SOAT2: variants seen among roughly 807,000 people sequenced by gnomAD.
SOAT2 encodes sterol O-acyltransferase 2.
A neutral mutation model predicts 76.0 loss-of-function variants in SOAT2; 87 were observed. That is an observed-to-expected ratio of 1.14 (90% CI 0.96 to 1.37). The LOEUF is 1.37. SOAT2 is among the 40% of genes most tolerant of loss of function. The probability of loss-of-function intolerance (pLI) is 0.00; values close to 1 mark genes in which losing one functional copy is unlikely to be tolerated. For synonymous variants in SOAT2, 285 were observed against 275.4 expected (o/e 1.03, Z -0.34); for missense variants, 686 against 682.1 (o/e 1.01, Z -0.06).
Position 53,105,192 on chromosome 12 carries a change from A to T in SOAT2, c.224A>T (p.Tyr75Phe). Reference protein sequence around the residue: ...DRAMREAIQSYPSQDKPLPPP... With the variant: ...DRAMREAIQSFPSQDKPLPPP... The stretch of plus-strand genomic sequence containing the variant: ...GCCATGCGGGAGGCTATACAATCCT[A>T]CCCATCACAAGACAAACCTCTGCCC... The change falls in exon 3 of 15, where the codon TAC becomes TTC. Residue 75 changes from tyrosine to phenylalanine, a missense_variant. Tyr to Phe is a conservative substitution (Grantham distance 22, BLOSUM62 3). Coordinates refer to ENST00000301466, the MANE Select transcript of SOAT2 (RefSeq NM_003578.4). 1 of 1,599,300 alleles carries T rather than the reference A, an allele frequency of 6.3e-7. No individual in the cohort carries two copies. The highest frequency in any genetic ancestry group is 1.7e-5 in the Admixed American group (1 of 58,166).
Position 53,115,425 on chromosome 12 carries a change from T to A in SOAT2, c.479T>A (p.Phe160Tyr). The A allele has an allele frequency of 6.2e-7, 1 of 1,611,440 alleles. No homozygotes were observed. ...GAGTTTGACCTACTGATCTTCAGCT[T>A]CGGACAGCTGCCATTGGCGCTGGTG... ...LLEFDLLIFS[F>Y]GQLPLALVTW... The change falls in exon 6 of 15, where the codon TTC becomes TAC. Residue 160 changes from phenylalanine (F) to tyrosine (Y), a missense_variant. Coordinates refer to ENST00000301466, the MANE Select transcript of SOAT2 (RefSeq NM_003578.4).
At chr12:53,110,664 CAT>C (rs1275919876) in intron 5 of SOAT2, among the ~76,000 whole-genome samples, 1 of 152,134 alleles carries the variant, frequency 6.6e-6, no homozygotes, top group East Asian at 1.9e-4. Context: ...GCTAATTTCA[CAT>C]GTCCCTAGCC....
intron 10 of SOAT2, 51 bp from the exon 11 acceptor site, chr12:53,120,735 T>C (rs969679872): frequency 7.5e-7 from 1 of 1,332,630 alleles, no homozygotes; most frequent in Non-Finnish European, 1.1e-6. Context: ...GGGCTGCCTG[T>C]GGGTCCATGT....
chr12:53,123,210 A>G lies in SOAT2; in HGVS notation c.1366A>G (p.Ile456Val), dbSNP rs763621124. The G allele has an allele frequency of 1.2e-6, 2 of 1,613,400 alleles. No homozygotes were observed. Among genetic ancestry groups the G allele is most frequent in the Non-Finnish European group, 1.7e-6 (2 of 1,179,812 alleles). Reference sequence around the variant, plus strand: ...CGTCATGCTGATACTCTTCCTTGTCATTGGAGGTGAGCTGGTCTCTGTGCC... The same window carrying G: ...CGTCATGCTGATACTCTTCCTTGTCGTTGGAGGTGAGCTGGTCTCTGTGCC... Reference protein sequence around the residue: ...YPVMLILFLVIGGMLNFMMHD... With the variant: ...YPVMLILFLVVGGMLNFMMHD... The change falls in exon 13 of 15, where the codon ATT becomes GTT. Residue 456 changes from isoleucine to valine, a missense_variant. By Grantham distance (29) the Ile-to-Val change is conservative. Transcript: ENST00000301466.
At chr12:53,121,729 G>GAAAT (rs1187812586) in intron 12 of SOAT2, among the ~76,000 whole-genome samples, 1 of 138,282 alleles carries the variant, frequency 7.2e-6, no homozygotes, top group African/African-American at 2.7e-5. Flanking sequence ...GTAACCCTGA[G>GAAAT]AAATAAATAT....
In SOAT2 at chr12:53,104,998, T is replaced by A. The variant is rs1324855849; in HGVS notation, c.139-109T>A. ...CTGACCCCCCAGGTTGTTTTTTTTT[T>A]TAAAAAAAGCACTGTGCCTGGCATA... is the stretch of plus-strand genomic sequence containing the variant. On this transcript the variant is annotated intron_variant, in intron 2 of 14. Transcript: ENST00000301466. 11 of 1,262,814 alleles carry A rather than the reference T, an allele frequency of 8.7e-6. No homozygotes were observed. In the East Asian group the frequency reaches 2.6e-4, roughly 30 times the overall value. 78.2% of individuals were successfully genotyped at this position (1,262,814 alleles called of 1,614,324 possible).
chr12:53,106,930 G>A (rs1316862655), intron 5 of SOAT2, among the ~76,000 whole-genome samples: 1 of 152,078 alleles, frequency 6.6e-6, no homozygotes, highest in East Asian at 1.9e-4. Flanking sequence ...GAGGTTTGGG[G>A]AGTTTCTTCA....
intron 4 of SOAT2, 50 bp from the exon 5 acceptor site, chr12:53,105,857 A>T: frequency 9.1e-7 from 1 of 1,101,152 alleles, no homozygotes; most frequent in Admixed American, 2.2e-5. Flanking sequence ...GCTAGTTCAC[A>T]CAACCCTGAG....
In SOAT2 at chr12:53,103,665, C is replaced by T; in HGVS notation, c.82+6C>T. On this transcript the variant is annotated splice_donor_region_variant and intron_variant, in intron 1 of 14. Transcript: ENST00000301466. The stretch of plus-strand genomic sequence containing the variant: ...GCGCCAACCCTGTGGAGATGGTGAG[C>T]CGCCCTCGGGGGTGCAGAAGGCACA... 1 of 1,524,684 alleles carries T rather than the reference C, an allele frequency of 6.6e-7. No individual in the cohort carries two copies. The highest frequency in any genetic ancestry group is 8.8e-7 in the Non-Finnish European group (1 of 1,137,554). The allele number at this position is 1,524,684 out of a possible 1,614,324, so 94.4% of individuals were successfully genotyped here.
At position 53,105,119 on chromosome 12, in the gene SOAT2, C is replaced by CAATT; in HGVS notation, c.152_155dup (p.Leu53IlefsTer61). On this transcript the variant is annotated frameshift_variant, in exon 3 of 15. Coordinates refer to ENST00000301466, the MANE Select transcript of SOAT2 (RefSeq NM_003578.4). LOFTEE classifies it high-confidence loss of function. ...CTTTGTCCCGTAGGCTGTGAAGGCACAATTGCTGGAGCAAGCGCAGGGACA... is the reference window on the plus strand; with the variant it reads ...CTTTGTCCCGTAGGCTGTGAAGGCACAATTAATTGCTGGAGCAAGCGCAGGGACA... The CAATT allele has an allele frequency of 6.4e-7, 1 of 1,560,360 alleles. No homozygotes were observed. The highest frequency in any genetic ancestry group is 8.7e-7 in the Non-Finnish European group (1 of 1,151,930).
intron 5 of SOAT2, 133 bp downstream of exon 5, chr12:53,106,147 C>T (rs1204693310): frequency 9.7e-6 from 6 of 621,262 alleles, no homozygotes; most frequent in Admixed American, 2.7e-5. Flanking sequence ...CAACATTGCT[C>T]CCAACAACCT....
intron 5 of SOAT2, among the ~76,000 whole-genome samples, chr12:53,113,052 C>T (rs969253041): frequency 6.6e-6 from 1 of 152,062 alleles, no homozygotes; most frequent in African/African-American, 2.4e-5. Flanking sequence ...GGATTACAGG[C>T]GTGAGCCACT....
intron 5 of SOAT2, among the ~76,000 whole-genome samples, chr12:53,114,599 T>C (rs1190281719): frequency 6.6e-6 from 1 of 151,668 alleles, no homozygotes; most frequent in East Asian, 1.9e-4. Flanking sequence ...TGCAAGCCTG[T>C]AGTCCCAGCT....
intron 5 of SOAT2, 110 bp downstream of exon 5, chr12:53,106,124 A>T: frequency 1.4e-6 from 1 of 690,492 alleles, no homozygotes; most frequent in Non-Finnish European, 2.5e-6. Flanking sequence ...CCCTTTGGTT[A>T]TTGGACATGT....
rs755093592 is a variant in SOAT2 at position 53,124,141 on chromosome 12, G to A, written c.*18G>A. On this transcript the variant is annotated 3_prime_UTR_variant, in exon 15 of 15. Coordinates refer to ENST00000301466, the MANE Select transcript of SOAT2 (RefSeq NM_003578.4). ...ATACCTAGAGGTCGGGACAGACGAC[G>A]CTACCTGCCCAGACACCACCAAGTT... 76 of 1,613,790 alleles carry A rather than the reference G, an allele frequency of 4.7e-5. No homozygotes were observed. Among genetic ancestry groups the A allele is most frequent in the Non-Finnish European group, 5.5e-5 (65 of 1,179,842 alleles).
At position 53,110,442 on chromosome 12, in the gene SOAT2, G is replaced by A. The variant is rs549580140; in HGVS notation, c.443+4428G>A. On this transcript the variant is annotated intron_variant, in intron 5 of 14. Transcript: ENST00000301466. ...TAGGAGGCCTAATCACCTTTAAATT[G>A]TATAACATTTCTTGTATAAATTTCC... Among the ~76,000 whole-genome samples the A allele has an allele frequency of 5.3e-5, 8 of 152,284 alleles. 1 individual carries two copies. The highest frequency in any genetic ancestry group is 1.9e-4 in the African/African-American group (8 of 41,572).
chr12:53,109,021 G>A (rs962484201), intron 5 of SOAT2, among the ~76,000 whole-genome samples: 2 of 152,102 alleles, frequency 1.3e-5, no homozygotes, highest in African/African-American at 2.4e-5. Flanking sequence ...GGTGGATCAC[G>A]AGGTCAGGAG....
At position 53,122,540 on chromosome 12, in the gene SOAT2, C is replaced by G. The variant is rs373719921; in HGVS notation, c.1237-541C>G. On this transcript the variant is annotated intron_variant, in intron 12 of 14. Coordinates refer to ENST00000301466, the MANE Select transcript of SOAT2 (RefSeq NM_003578.4). The stretch of plus-strand genomic sequence containing the variant: ...TTAGGGAGTGGTGATGACTCTTAAC[C>G]AGCATGCTGCCTTCAAGCATCTGTT... 3.7e-3 allele frequency among the ~76,000 whole-genome samples: 564 copies of G among 151,640 alleles called. 3 individuals carry two copies. Among genetic ancestry groups the G allele is most frequent in the South Asian group, 7.9e-3 (38 of 4,798 alleles).
intron 8 of SOAT2, among the ~76,000 whole-genome samples, 193 bp downstream of exon 8, chr12:53,118,627 G>A (rs1437211431): frequency 6.6e-6 from 1 of 152,010 alleles, no homozygotes; most frequent in Non-Finnish European, 1.5e-5. Flanking sequence ...TGACACTAGG[G>A]CAACCCACTT....
Sources: allele counts gnomAD v4.1 joint callset (sites outside exome capture counted in the v4.1 genomes callset), GRCh38; gene constraint gnomAD v4.1.1; transcripts MANE v1.5; gene names NCBI Gene and HGNC (gene_info 2026-07-23, HGNC 2026-07-21).